Variants in NFATC1 observed in about 807,000 individuals in gnomAD.
NFATC1 encodes the protein nuclear factor of activated T cells 1.
Under a neutral mutation model 76.0 loss-of-function variants are expected in NFATC1, and 22 were observed. The observed-to-expected ratio is 0.29, with a 90% CI of 0.21 to 0.41. The LOEUF is 0.41. Ranked by LOEUF, NFATC1 falls within the 10% of genes least tolerant of loss-of-function variation. The pLI is 1.00. For missense variants in NFATC1, 1,357 were observed against 1,337.7 expected (o/e 1.01, Z -0.23); for synonymous variants, 704 against 613.1 (o/e 1.15, Z -2.19).
At chr18:79,509,567 C>T (rs1242855409) in intron 9 of NFATC1, among the ~76,000 whole-genome samples, 2 of 152,258 alleles carry the variant, frequency 1.3e-5, no homozygotes, top group Non-Finnish European at 2.9e-5. Flanking sequence ...AGAGGGGCAC[C>T]CCTGCTCCCA....
At chr18:79,401,683 A>G (rs1469646135) in intron 1 of NFATC1, among the ~76,000 whole-genome samples, 1 of 152,194 alleles carries the variant, frequency 6.6e-6, no homozygotes, top group Admixed American at 6.5e-5. Context: ...ACCTCTCTTT[A>G]TGGGGTGAAA....
intron 1 of NFATC1, among the ~76,000 whole-genome samples, chr18:79,405,740 C>A (rs1002155620): frequency 3.9e-5 from 6 of 152,250 alleles, no homozygotes; most frequent in African/African-American, 1.2e-4. Context: ...AGGGAAAACG[C>A]ATGCTTAGGT....
intron 9 of NFATC1, among the ~76,000 whole-genome samples, chr18:79,522,160 T>G (rs34269330): frequency 0.016 from 259 of 16,226 alleles, 5 homozygotes; most frequent in African/African-American, 0.038. Flanking sequence ...TCTGTGTGTG[T>G]GTGGGGGGGT....
chr18:79,508,803 ATCTC>A (rs372057429), intron 9 of NFATC1, among the ~76,000 whole-genome samples: 3 of 140,918 alleles, frequency 2.1e-5, no homozygotes, highest in Admixed American at 7.0e-5. Flanking sequence ...CTCTCCGTCC[ATCTC>A]TCTCTCTCTC....
intron 2 of NFATC1, among the ~76,000 whole-genome samples, chr18:79,417,882 AGGAGATGGGCTGTGGTGGGAGATG>A (rs1168201275): frequency 2.5e-3 from 105 of 41,778 alleles, no homozygotes; most frequent in African/African-American, 8.0e-3. Flanking sequence ...TGGGCTGGGC[AGGAGATGGGCTGTGGTGGGAGATG>A]GGAGATGGGC....
chr18:79,442,987 G>GC (rs1473122386), intron 3 of NFATC1, among the ~76,000 whole-genome samples: 3 of 152,210 alleles, frequency 2.0e-5, no homozygotes, highest in African/African-American at 4.8e-5. Flanking sequence ...AGCTCCGCCT[G>GC]CCCCCTTTTG....
At chr18:79,407,196 G>A (rs556465012) in intron 1 of NFATC1, among the ~76,000 whole-genome samples, 25 of 152,242 alleles carry the variant, frequency 1.6e-4, no homozygotes, top group Non-Finnish European at 3.1e-4. Flanking sequence ...AAGTTTTAGC[G>A]TTGGGGCCTG....
chr18:79,503,398 AAC>A (rs1284570593), intron 9 of NFATC1, among the ~76,000 whole-genome samples: 1 of 152,246 alleles, frequency 6.6e-6, no homozygotes. Context: ...TGTCTAAAAA[AAC>A]AGTGTTTGTA....
intron 3 of NFATC1, among the ~76,000 whole-genome samples, chr18:79,446,662 T>A (rs991626696): frequency 1.3e-5 from 2 of 152,156 alleles, no homozygotes; most frequent in Admixed American, 6.5e-5. Flanking sequence ...TCCCCCGTCC[T>A]GACTGTTTGT....
chr18:79,513,326 G>A lies in NFATC1; in HGVS notation c.2783-14202G>A, dbSNP rs140405773. Among the ~76,000 whole-genome samples the A allele has an allele frequency of 6.6e-5, 10 of 152,264 alleles. No homozygotes were observed. The East Asian group carries it at 1.9e-3, about 30-fold the overall frequency. The stretch of plus-strand genomic sequence containing the variant: ...GCACCTTGGCCTCCGCGGCCAGGGC[G>A]TGAGGCTCCCGGGTCAGCACACGGC... On this transcript the variant is annotated intron_variant, in intron 9 of 9. Coordinates refer to ENST00000427363, the MANE Select transcript of NFATC1 (RefSeq NM_001278669.2).
At chr18:79,400,587 G>C (rs2085171078) in intron 1 of NFATC1, 14 of 1,025,408 alleles carry the variant, frequency 1.4e-5, no homozygotes, top group Non-Finnish European at 1.8e-5. Context: ...AGGAGTCCCC[G>C]GCGCGCCCGG....
intron 2 of NFATC1, among the ~76,000 whole-genome samples, chr18:79,428,003 G>A (rs1453615135): frequency 3.3e-5 from 5 of 149,670 alleles, no homozygotes; most frequent in African/African-American, 7.4e-5. Context: ...CTATGTAGTC[G>A]GGGAGGCTGG....
At chr18:79,454,572 G>A (rs946705123) in intron 6 of NFATC1, among the ~76,000 whole-genome samples, 1 of 152,222 alleles carries the variant, frequency 6.6e-6, no homozygotes, top group Admixed American at 6.5e-5. Context: ...GGAGGAGGGT[G>A]GGTGTTTGAG....
At chr18:79,480,797 A>G (rs1235251402) in intron 8 of NFATC1, among the ~76,000 whole-genome samples, 4 of 152,084 alleles carry the variant, frequency 2.6e-5, no homozygotes, top group South Asian at 2.1e-4. Flanking sequence ...GGTGGGTGAG[A>G]GTTTTTAAAG....
chr18:79,469,302 ATTT>A, intron 8 of NFATC1: 1 of 985,092 alleles, frequency 1.0e-6, no homozygotes, highest in Non-Finnish European at 1.2e-6. Context: ...CAGTGCATTA[ATTT>A]TTTTCTTATT....
chr18:79,452,693 T>A (rs1367140337), intron 6 of NFATC1, among the ~76,000 whole-genome samples: 1 of 152,184 alleles, frequency 6.6e-6, no homozygotes, highest in Non-Finnish European at 1.5e-5. Context: ...AGCCCAGCCC[T>A]CAAGGGGGTT....
chr18:79,438,628 A>T (rs2086864434), intron 3 of NFATC1, among the ~76,000 whole-genome samples: 2 of 152,236 alleles, frequency 1.3e-5, no homozygotes, highest in African/African-American at 4.8e-5. Context: ...TTTGCAGCTT[A>T]TAATATTGTC....
At chr18:79,427,392 T>TAGGGGAGAGC in intron 2 of NFATC1, among the ~76,000 whole-genome samples, 1 of 77,646 alleles carries the variant, frequency 1.3e-5, no homozygotes, top group East Asian at 3.6e-4. Flanking sequence ...GTGCAGTGGG[T>TAGGGGAGAGC]TGGGGGGAGC....
At chr18:79,424,150 G>A (rs760848050) in intron 2 of NFATC1, among the ~76,000 whole-genome samples, 1 of 152,248 alleles carries the variant, frequency 6.6e-6, no homozygotes, top group Admixed American at 6.5e-5. Context: ...TGCGTCCAGC[G>A]GCCAGGCCCA....
Sources: allele counts gnomAD v4.1 joint callset (sites outside exome capture counted in the v4.1 genomes callset), GRCh38; gene constraint gnomAD v4.1.1; transcripts MANE v1.5; gene names NCBI Gene and HGNC (gene_info 2026-07-23, HGNC 2026-07-21).